The following TOR4A variants were observed in gnomAD, a reference collection of about 807,000 sequenced individuals.
The protein encoded by TOR4A is torsin family 4 member A.
A neutral mutation model predicts 11.5 loss-of-function variants in TOR4A; 12 were observed. The ratio of observed to expected loss-of-function variants is 1.04; its 90% CI spans 0.67 to 1.69. The LOEUF (loss-of-function observed/expected upper bound fraction) is 1.69, where lower values mean the gene tolerates loss of function less well. Ranked by LOEUF, TOR4A falls within the 40% of genes most tolerant of loss-of-function variation. TOR4A has a pLI of 0.00. For synonymous variants in TOR4A, 362 were observed against 307.4 expected (o/e 1.18, Z -1.86); for missense variants, 640 against 643.2 (o/e 0.99, Z 0.05).
Position 137,279,479 on chromosome 9 carries a change from G to A in TOR4A, c.790G>A (p.Val264Met). The stretch of plus-strand genomic sequence containing the variant: ...AGCGGAGGAGAAGACCCCACTCTTG[G>A]TGCTGGACGACGTGGAGCTCATGCC... ...AEAEEKTPLLVLDDVELMPRP... is the reference protein window; with the variant it reads ...AEAEEKTPLLMLDDVELMPRP... The change falls in exon 2 of 2, where the codon GTG becomes ATG. Residue 264 changes from valine to methionine, a missense_variant. By Grantham distance (21) the Val-to-Met change is conservative. Transcript: ENST00000357503. 1 of 1,559,518 alleles carries A rather than the reference G, an allele frequency of 6.4e-7. No individual in the cohort carries two copies. Among genetic ancestry groups the A allele is most frequent in the Admixed American group, 1.9e-5 (1 of 53,228 alleles).
chr9:137,281,459 TC>T lies in TOR4A; in HGVS notation c.*1503del. 6.2e-6 allele frequency: 1 copy of T among 161,302 alleles called. No individual in the cohort carries two copies. 10.0% of individuals were successfully genotyped at this position (161,302 alleles called of 1,614,324 possible). A position where few individuals can be genotyped will look rare whatever the true frequency, so the allele number is the denominator to read the frequency against. ...GCTTCCCGGAGGGTGTCCTGTTCTCTCCCCCGCCTCGCATCCATTCTCGCCC... is the reference window on the plus strand; with the variant it reads ...GCTTCCCGGAGGGTGTCCTGTTCTCTCCCCGCCTCGCATCCATTCTCGCCC... On this transcript the variant is annotated 3_prime_UTR_variant, in exon 2 of 2. Coordinates refer to ENST00000357503, the MANE Select transcript of TOR4A (RefSeq NM_017723.3).
At position 137,279,937 on chromosome 9, in the gene TOR4A, G is replaced by C; in HGVS notation, c.1248G>C (p.Val416=). The C allele has an allele frequency of 6.3e-7, 1 of 1,579,456 alleles. No homozygotes were observed. The highest frequency in any genetic ancestry group is 2.3e-5 in the East Asian group (1 of 43,072). The stretch of plus-strand genomic sequence containing the variant: ...TTGCCGTCACCGGCTGCAAGCAGGT[G>C]GTGGCCACGGTGAACCTCCTGTAGT... ...REFAVTGCKQ[V]VATVNLL is the part of the protein sequence containing the mutation. Residue 416 remains valine, a synonymous_variant, in exon 2 of 2, where the codon GTG becomes GTC. Transcript: ENST00000357503.
Position 137,280,071 on chromosome 9 carries a change from G to A in TOR4A, c.*110G>A. ...GTTTCTAGTGAATTTGTGGCTGCCC[G>A]GCTGGTGGGTGCGGATCAGCTTGGA... is the stretch of plus-strand genomic sequence containing the variant. On this transcript the variant is annotated 3_prime_UTR_variant, in exon 2 of 2. Transcript: ENST00000357503. The A allele has an allele frequency of 8.1e-7, 1 of 1,236,234 alleles. No individual in the cohort carries two copies. The highest frequency in any genetic ancestry group is 2.6e-5 in the East Asian group (1 of 38,994). The allele number at this position is 1,236,234 out of a possible 1,614,324, so 76.6% of individuals were successfully genotyped here. A position where few individuals can be genotyped will look rare whatever the true frequency, so the allele number is the denominator to read the frequency against.
rs1363549925 is a variant in TOR4A, at chr9:137,279,795, G to A, written c.1106G>A (p.Arg369Gln). The A allele has an allele frequency of 6.3e-7, 1 of 1,595,944 alleles. No individual in the cohort carries two copies. Among genetic ancestry groups the A allele is most frequent in the Non-Finnish European group, 8.5e-7 (1 of 1,176,938 alleles). ...GTGCCGTTTCTGCTGCTGGACAAGC[G>A]GGATGTGGTCAGCTGCTTCCGGGAC... ...AIVPFLLLDK[R>Q]DVVSCFRDEM... Residue 369 changes from arginine (R) to glutamine (Q), a missense_variant, in exon 2 of 2, where the codon CGG (arginine) becomes CAG (glutamine). By Grantham distance (43) the Arg-to-Gln change is conservative. Coordinates refer to ENST00000357503, the MANE Select transcript of TOR4A (RefSeq NM_017723.3).
rs1362147983 is a variant in TOR4A, at chr9:137,279,876, C to T, written c.1187C>T (p.Ala396Val). The change falls in exon 2 of 2, where the codon GCG becomes GTG. Residue 396 changes from alanine to valine, a missense_variant. Physicochemically the swap from Ala to Val is moderately conservative, Grantham distance 64. Coordinates refer to ENST00000357503, the MANE Select transcript of TOR4A (RefSeq NM_017723.3). The part of the protein sequence containing the change: ...PDQARAENLA[A>V]QLSFYRVAGR... The stretch of plus-strand genomic sequence containing the variant: ...CAGGCCCGCGCGGAGAACCTGGCCG[C>T]GCAGCTCAGCTTCTACCGCGTGGCT... 3.2e-6 allele frequency: 5 copies of T among 1,582,684 alleles called. No individual in the cohort carries two copies. The South Asian group carries it at 3.4e-5, about 11-fold the overall frequency.
At chr9:137,278,622 T>C in intron 1 of TOR4A, 31 bp from the exon 2 acceptor site, 1 of 1,226,734 alleles carries the variant, frequency 8.2e-7, no homozygotes, top group Non-Finnish European at 1.0e-6. Context: ...GTGGCGGGAG[T>C]CCAGAGACCC....
chr9:137,279,435 A>G lies in TOR4A; in HGVS notation c.746A>G (p.Asp249Gly), dbSNP rs1203357996. ...CREELARRVA[D>G]VVARAEAEEK... is the part of the protein sequence containing the mutation. Reference sequence around the variant, plus strand: ...GAGGAGCTGGCGCGGCGCGTGGCCGACGTGGTGGCGCGGGCCGAAGCGGAG... The same window carrying G: ...GAGGAGCTGGCGCGGCGCGTGGCCGGCGTGGTGGCGCGGGCCGAAGCGGAG... Residue 249 changes from aspartate (D) to glycine (G), a missense_variant, in exon 2 of 2, where the codon GAC becomes GGC. Transcript: ENST00000357503. The G allele has an allele frequency of 6.5e-7, 1 of 1,536,702 alleles. No individual in the cohort carries two copies. Among genetic ancestry groups the G allele is most frequent in the East Asian group, 2.5e-5 (1 of 40,164 alleles).
chr9:137,281,658 GC>G lies in TOR4A; in HGVS notation c.*1700del, dbSNP rs1270123755. The G allele has an allele frequency of 6.3e-6, 1 of 157,814 alleles. No individual in the cohort carries two copies. The highest frequency in any genetic ancestry group is 1.5e-5 in the Non-Finnish European group (1 of 68,038). 9.8% of individuals were successfully genotyped at this position (157,814 alleles called of 1,614,324 possible). ...GCTAGCGAGAGGGCTGCCCCGTCCT[GC>G]CCAGAGGGTCCTGAGGACTCCCGCT... is the stretch of plus-strand genomic sequence containing the variant. On this transcript the variant is annotated 3_prime_UTR_variant, in exon 2 of 2. Coordinates refer to ENST00000357503, the MANE Select transcript of TOR4A (RefSeq NM_017723.3).
chr9:137,278,637 C>T lies in TOR4A; in HGVS notation c.-37-16C>T, dbSNP rs1399341074. On this transcript the variant is annotated splice_polypyrimidine_tract_variant and intron_variant, in intron 1 of 1. Coordinates refer to ENST00000357503, the MANE Select transcript of TOR4A (RefSeq NM_017723.3). ...GTGGCGGGAGTCCAGAGACCCTCCC[C>T]GTCTTCCCGTTGCAGGGAGGGCGAC... 3 of 1,269,150 alleles carry T rather than the reference C, an allele frequency of 2.4e-6. No individual in the cohort carries two copies. Among genetic ancestry groups the T allele is most frequent in the East Asian group, 3.2e-5 (1 of 30,786 alleles). The allele number at this position is 1,269,150 out of a possible 1,614,324, so 78.6% of individuals were successfully genotyped here.
In TOR4A at chr9:137,277,821, G is replaced by A. The variant is rs1454871758; in HGVS notation, c.-124G>A. The A allele has an allele frequency of 2.6e-5, 4 of 152,272 alleles. No homozygotes were observed. Among genetic ancestry groups the A allele is most frequent in the Non-Finnish European group, 4.4e-5 (3 of 68,084 alleles). 9.4% of individuals were successfully genotyped at this position (152,272 alleles called of 1,614,324 possible). On this transcript the variant is annotated 5_prime_UTR_variant, in exon 1 of 2. Coordinates refer to ENST00000357503, the MANE Select transcript of TOR4A (RefSeq NM_017723.3). ...CCCCTGGCCCACCCCCTCGCCCTGG[G>A]AGGCGCATTTCCTGCTTGGAGTCTC... is the stretch of plus-strand genomic sequence containing the variant.
Position 137,280,318 on chromosome 9 carries a change from C to G in TOR4A, c.*357C>G, listed in dbSNP as rs1830700627. The G allele has an allele frequency of 3.1e-6, 1 of 321,530 alleles. No individual in the cohort carries two copies. The highest frequency in any genetic ancestry group is 2.1e-5 in the African/African-American group (1 of 47,550). 19.9% of individuals were successfully genotyped at this position (321,530 alleles called of 1,614,324 possible). On this transcript the variant is annotated 3_prime_UTR_variant, in exon 2 of 2. Transcript: ENST00000357503. Reference sequence around the variant, plus strand: ...GTCACACAGCTGGGACGTGACCCCGCCTCTTGGGGGTGGTCGCGTGTTGCT... The same window carrying G: ...GTCACACAGCTGGGACGTGACCCCGGCTCTTGGGGGTGGTCGCGTGTTGCT...
Position 137,280,309 on chromosome 9 carries a change from G to A in TOR4A, c.*348G>A, listed in dbSNP as rs556474641. On this transcript the variant is annotated 3_prime_UTR_variant, in exon 2 of 2. Coordinates refer to ENST00000357503, the MANE Select transcript of TOR4A (RefSeq NM_017723.3). Reference sequence around the variant, plus strand: ...ATTCCCGGGGTCACACAGCTGGGACGTGACCCCGCCTCTTGGGGGTGGTCG... The same window carrying A: ...ATTCCCGGGGTCACACAGCTGGGACATGACCCCGCCTCTTGGGGGTGGTCG... The A allele has an allele frequency of 2.0e-4, 70 of 345,420 alleles. No individual in the cohort carries two copies. In the South Asian group the frequency reaches 4.1e-3, roughly 20 times the overall value. 21.4% of individuals were successfully genotyped at this position (345,420 alleles called of 1,614,324 possible).
At position 137,279,682 on chromosome 9, in the gene TOR4A, C is replaced by A. The variant is rs1377462027; in HGVS notation, c.993C>A (p.Ala331=). The stretch of plus-strand genomic sequence containing the variant: ...CCGACGGCTTCCGCAGTGCCGAGGC[C>A]GCAGCGGCGCAGGCGGAAGAAGACC... ...LRPDGFRSAE[A]AAAQAEEDLR... The change falls in exon 2 of 2, where the codon GCC becomes GCA. Residue 331 remains alanine, a synonymous_variant. Coordinates refer to ENST00000357503, the MANE Select transcript of TOR4A (RefSeq NM_017723.3). 6.4e-7 allele frequency: 1 copy of A among 1,566,672 alleles called. No individual in the cohort carries two copies. Among genetic ancestry groups the A allele is most frequent in the East Asian group, 2.3e-5 (1 of 43,214 alleles).
At position 137,279,098 on chromosome 9, in the gene TOR4A, G is replaced by T; in HGVS notation, c.409G>T (p.Ala137Ser). Residue 137 changes from alanine (A) to serine (S), a missense_variant, in exon 2 of 2, where the codon GCT becomes TCT. Coordinates refer to ENST00000357503, the MANE Select transcript of TOR4A (RefSeq NM_017723.3). ...VAIVGFQVLN[A>S]IENLDDNAQR... is the part of the protein sequence containing the mutation. ...CATCGTGGGCTTCCAAGTTCTCAAC[G>T]CTATCGAGAACCTGGACGATAACGC... The T allele has an allele frequency of 6.3e-7, 1 of 1,599,958 alleles. No individual in the cohort carries two copies. The highest frequency in any genetic ancestry group is 8.5e-7 in the Non-Finnish European group (1 of 1,173,706).
rs1235411828 is a variant in TOR4A, at chr9:137,281,289, A to C, written c.*1328A>C. ...AAGGTGGAGGCGGGGCCGCGCCGGA[A>C]GCCCCGAGTCGAGCGCACACGGCGG... On this transcript the variant is annotated 3_prime_UTR_variant, in exon 2 of 2. Coordinates refer to ENST00000357503, the MANE Select transcript of TOR4A (RefSeq NM_017723.3). 6.2e-6 allele frequency: 1 copy of C among 162,004 alleles called. No homozygotes were observed. Among genetic ancestry groups the C allele is most frequent in the Non-Finnish European group, 1.5e-5 (1 of 68,040 alleles). The allele number at this position is 162,004 out of a possible 1,614,324, so 10.0% of individuals were successfully genotyped here. A position where few individuals can be genotyped will look rare whatever the true frequency, so the allele number is the denominator to read the frequency against.
chr9:137,281,113 C>G lies in TOR4A; in HGVS notation c.*1152C>G, dbSNP rs1042256642. 6.2e-6 allele frequency: 1 copy of G among 161,754 alleles called. No individual in the cohort carries two copies. The highest frequency in any genetic ancestry group is 2.4e-5 in the African/African-American group (1 of 41,452). The allele number at this position is 161,754 out of a possible 1,614,324, so 10.0% of individuals were successfully genotyped here. A position where few individuals can be genotyped will look rare whatever the true frequency, so the allele number is the denominator to read the frequency against. Reference sequence around the variant, plus strand: ...CTGAGTCCCCCAGGCCGCCCCGATCCTCTGTCCCCGCCGCCGGCCCCGCTG... The same window carrying G: ...CTGAGTCCCCCAGGCCGCCCCGATCGTCTGTCCCCGCCGCCGGCCCCGCTG... On this transcript the variant is annotated 3_prime_UTR_variant, in exon 2 of 2. Transcript: ENST00000357503.
chr9:137,278,481 C>A (rs1830671045), intron 1 of TOR4A, among the ~76,000 whole-genome samples, 172 bp from the exon 2 acceptor site: 2 of 146,420 alleles, frequency 1.4e-5, no homozygotes, highest in South Asian at 2.1e-4. Flanking sequence ...GCGGAGGGGT[C>A]GCTTGCCGGT....
chr9:137,280,026 G>T lies in TOR4A; in HGVS notation c.*65G>T. 1.4e-6 allele frequency: 2 copies of T among 1,471,952 alleles called. No homozygotes were observed. The highest frequency in any genetic ancestry group is 1.8e-6 in the Non-Finnish European group (2 of 1,093,228). The allele number at this position is 1,471,952 out of a possible 1,614,324, so 91.2% of individuals were successfully genotyped here. A position where few individuals can be genotyped will look rare whatever the true frequency, so the allele number is the denominator to read the frequency against. On this transcript the variant is annotated 3_prime_UTR_variant, in exon 2 of 2. Coordinates refer to ENST00000357503, the MANE Select transcript of TOR4A (RefSeq NM_017723.3). ...TAGGAGGGCGACCAGGGACCTTGTG[G>T]GCTGGTGCAGGCCCCTGAGGTTTCT...
In TOR4A at chr9:137,279,162, A is replaced by AGC; in HGVS notation, c.479_480dup (p.Val161ArgfsTer15). On this transcript the variant is annotated frameshift_variant, in exon 2 of 2. Coordinates refer to ENST00000357503, the MANE Select transcript of TOR4A (RefSeq NM_017723.3). LOFTEE classifies it high-confidence loss of function. ...CTCGACGGGCTGGAGAAAGCGCTGC[A>AGC]GCGCGCGGTGTTCGGCCAGCCCGCT... is the stretch of plus-strand genomic sequence containing the variant. 1 of 1,565,970 alleles carries AGC rather than the reference A, an allele frequency of 6.4e-7. No individual in the cohort carries two copies. Among genetic ancestry groups the AGC allele is most frequent in the Non-Finnish European group, 8.7e-7 (1 of 1,155,900 alleles).
Sources: gnomAD v4.1 joint callset for allele counts (sites outside exome capture counted in the v4.1 genomes callset) on GRCh38, gnomAD v4.1.1 for gene constraint, MANE v1.5 for transcripts, NCBI Gene and HGNC (gene_info 2026-07-23, HGNC 2026-07-21) for gene names.